Variants in PSD3 observed in about 807,000 individuals in gnomAD.
The protein encoded by PSD3 is pleckstrin and Sec7 domain containing 3, also known as PH and SEC7 domain-containing protein 3.
In PSD3, 49 loss-of-function variants were observed where a neutral mutation model predicts 105.5. That is an observed-to-expected ratio of 0.46 (90% CI 0.37 to 0.59). The LOEUF (loss-of-function observed/expected upper bound fraction) is 0.59. Ranked by LOEUF, PSD3 falls within the 20% of genes least tolerant of loss-of-function variation. The probability of loss-of-function intolerance (pLI) is 0.00; values close to 1 mark genes in which losing one functional copy is unlikely to be tolerated. For missense variants in PSD3, 1,561 were observed against 1,263.8 expected (o/e 1.24, Z -3.57); for synonymous variants, 557 against 457.8 (o/e 1.22, Z -2.77).
At chr8:18,549,195 T>C (rs112140553) in intron 15 of PSD3, among the ~76,000 whole-genome samples, 1 of 121,838 alleles carries the variant, frequency 8.2e-6, no homozygotes, top group Non-Finnish European at 1.9e-5. Context: ...TTTTTTTTTT[T>C]TTTGAGACAG....
At chr8:18,624,674 C>G (rs915137722) in intron 11 of PSD3, among the ~76,000 whole-genome samples, 3 of 127,518 alleles carry the variant, frequency 2.4e-5, no homozygotes, top group Non-Finnish European at 4.9e-5. Flanking sequence ...TACCCTAAAA[C>G]TTAAAGTATT....
At chr8:19,077,463 A>G (rs1214949209) in intron 1 of PSD3, among the ~76,000 whole-genome samples, 3 of 152,190 alleles carry the variant, frequency 2.0e-5, no homozygotes, top group African/African-American at 7.2e-5. Context: ...TTTAGAAGGA[A>G]GGAAGGTGGA....
At chr8:18,961,974 A>T (rs763121854) in intron 1 of PSD3, among the ~76,000 whole-genome samples, 3 of 152,028 alleles carry the variant, frequency 2.0e-5, no homozygotes, top group Non-Finnish European at 4.4e-5. Flanking sequence ...CAAAAATTTT[A>T]TATTTAAAAA....
At chr8:19,032,963 A>G (rs1827820013) in intron 1 of PSD3, among the ~76,000 whole-genome samples, 1 of 152,110 alleles carries the variant, frequency 6.6e-6, no homozygotes, top group African/African-American at 2.4e-5. Context: ...AAAACAAAAA[A>G]CTAACTAGGC....
At chr8:18,957,141 G>T (rs1029340860) in intron 1 of PSD3, among the ~76,000 whole-genome samples, 4 of 152,078 alleles carry the variant, frequency 2.6e-5, no homozygotes, top group African/African-American at 9.7e-5. Flanking sequence ...GGAGGCCAAG[G>T]TGGGCGGATC....
chr8:18,555,141 A>T (rs1262101694), intron 15 of PSD3, among the ~76,000 whole-genome samples: 1 of 152,046 alleles, frequency 6.6e-6, no homozygotes, highest in Non-Finnish European at 1.5e-5. Flanking sequence ...CCTCAGAAAA[A>T]CAACCGGCCA....
intron 9 of PSD3, among the ~76,000 whole-genome samples, chr8:18,756,099 C>T (rs756122968): frequency 2.6e-5 from 4 of 152,120 alleles, no homozygotes; most frequent in Admixed American, 1.3e-4. Flanking sequence ...AAAGGCTCTC[C>T]GACTTACACA....
chr8:18,599,312 G>C (rs1283043983), intron 12 of PSD3, among the ~76,000 whole-genome samples: 3 of 152,142 alleles, frequency 2.0e-5, no homozygotes, highest in Admixed American at 6.5e-5. Flanking sequence ...GTATAAAATG[G>C]TACATTGCTT....
At chr8:18,756,510 A>C (rs1161765636) in intron 9 of PSD3, among the ~76,000 whole-genome samples, 1 of 151,784 alleles carries the variant, frequency 6.6e-6, no homozygotes, top group Admixed American at 6.6e-5. Context: ...GTGAGAGCTA[A>C]GAGAGTTAAC....
In PSD3 at chr8:18,626,547, T is replaced by G. The variant is rs10097815; in HGVS notation, c.2410+6066A>C. 2.6e-3 allele frequency among the ~76,000 whole-genome samples: 394 copies of G among 152,254 alleles called. 2 individuals are homozygous for G. The highest frequency in any genetic ancestry group is 9.0e-3 in the African/African-American group (373 of 41,566). On this transcript the variant is annotated intron_variant, in intron 11 of 15. Transcript: ENST00000327040. The stretch of plus-strand genomic sequence containing the variant: ...TTCTCAGAATTATTTGGAGCTCCTA[T>G]TCCAGGAAAGCTCCACTGTTGTTTT...
intron 11 of PSD3, among the ~76,000 whole-genome samples, chr8:18,619,968 T>C (rs1805984707): frequency 6.6e-6 from 1 of 152,136 alleles, no homozygotes; most frequent in African/African-American, 2.4e-5. Flanking sequence ...AGAGATTAGC[T>C]AAGAGCCCAA....
At chr8:18,902,522 A>G (rs1200991750) in intron 2 of PSD3, among the ~76,000 whole-genome samples, 1 of 152,100 alleles carries the variant, frequency 6.6e-6, no homozygotes, top group Non-Finnish European at 1.5e-5. Flanking sequence ...TTACAGAGTT[A>G]TTATGTTTCT....
At chr8:18,969,519 T>C (rs1256002226) in intron 1 of PSD3, among the ~76,000 whole-genome samples, 2 of 152,220 alleles carry the variant, frequency 1.3e-5, no homozygotes, top group African/African-American at 2.4e-5. Context: ...AATTATGTTA[T>C]ACCAACAACT....
At chr8:18,595,334 C>G (rs1177134594) in intron 12 of PSD3, among the ~76,000 whole-genome samples, 4 of 140,256 alleles carry the variant, frequency 2.9e-5, no homozygotes, top group South Asian at 2.2e-4. Context: ...AGTGACAAGA[C>G]AGAAAATAAA....
chr8:18,979,023 C>T (rs1438301616), intron 1 of PSD3, among the ~76,000 whole-genome samples: 3 of 152,210 alleles, frequency 2.0e-5, no homozygotes, highest in African/African-American at 4.8e-5. Context: ...TATGACCTCA[C>T]TATAATCCCT....
At chr8:18,615,552 G>T (rs1805596013) in intron 11 of PSD3, among the ~76,000 whole-genome samples, 1 of 152,184 alleles carries the variant, frequency 6.6e-6, no homozygotes. Context: ...TTGCAGCACT[G>T]AAACTTTATA....
intron 1 of PSD3, among the ~76,000 whole-genome samples, chr8:19,046,869 C>T (rs1828336657): frequency 6.6e-6 from 1 of 152,200 alleles, no homozygotes; most frequent in African/African-American, 2.4e-5. Context: ...AAAAAAAGGC[C>T]TTAAACTGGG....
Position 18,801,270 on chromosome 8 carries a change from C to A in PSD3, c.2023G>T (p.Asp675Tyr). 2 of 1,531,654 alleles carry A rather than the reference C, an allele frequency of 1.3e-6. No individual in the cohort carries two copies. The highest frequency in any genetic ancestry group is 1.8e-6 in the Non-Finnish European group (2 of 1,114,690). 94.9% of individuals were successfully genotyped at this position (1,531,654 alleles called of 1,614,324 possible). ...AATTCAAGGATTTGTATCAGATTAC[C>A]TTGTGAAGCAATGGTATCTGGGTTA... Reference protein sequence around the residue: ...YCNPDTIASQDGVHCLTCAIM... With the variant: ...YCNPDTIASQYGVHCLTCAIM... Residue 675 changes from aspartate to tyrosine, a missense_variant and splice_region_variant, in exon 7 of 16, where the codon GAT (aspartate) becomes TAT (tyrosine). Transcript: ENST00000327040.
In PSD3 at chr8:18,530,552, AT is replaced by A. The variant is rs996569942; in HGVS notation, c.*5190del. ...GGTACTTAATTCTTCCGAAAGCTAT[AT>A]TTTTTATGGACTAATTACAACAACA... is the stretch of plus-strand genomic sequence containing the variant. On this transcript the variant is annotated 3_prime_UTR_variant, in exon 16 of 16. Transcript: ENST00000327040. 1 of 152,634 alleles carries A rather than the reference AT, an allele frequency of 6.6e-6. No homozygotes were observed. The highest frequency in any genetic ancestry group is 6.6e-5 in the Admixed American group (1 of 15,262). 9.5% of individuals were successfully genotyped at this position (152,634 alleles called of 1,614,324 possible).
Sources: allele counts gnomAD v4.1 joint callset (sites outside exome capture counted in the v4.1 genomes callset), GRCh38; gene constraint gnomAD v4.1.1; transcripts MANE v1.5; gene names NCBI Gene and HGNC (gene_info 2026-07-23, HGNC 2026-07-21).